The following AHCYL1 variants were observed in gnomAD, a reference collection of about 807,000 sequenced individuals.
The protein encoded by AHCYL1 is adenosylhomocysteinase like 1, also known as S-adenosylhomocysteine hydrolase-like protein 1.
In AHCYL1, 20 loss-of-function variants were observed where a neutral mutation model predicts 79.3. That is an observed-to-expected ratio of 0.25 (90% CI 0.18 to 0.37). The LOEUF is 0.37. Ranked by LOEUF, AHCYL1 falls within the 10% of genes least tolerant of loss-of-function variation. The pLI, the probability that AHCYL1 is intolerant of heterozygous loss-of-function variation, is 1.00. For missense variants in AHCYL1, 330 were observed against 673.6 expected (o/e 0.49, Z 5.65); for synonymous variants, 223 against 242.2 (o/e 0.92, Z 0.74).
chr1:110,004,267 A>G (rs1650507897), intron 1 of AHCYL1: 2 of 985,546 alleles, frequency 2.0e-6, no homozygotes, highest in African/African-American at 1.7e-5. Flanking sequence ...CAAGAAACTC[A>G]GGCCCCATCT....
intron 7 of AHCYL1, among the ~76,000 whole-genome samples, chr1:110,016,084 C>A (rs1651400820): frequency 6.6e-6 from 1 of 151,588 alleles, no homozygotes; most frequent in Admixed American, 6.6e-5. Flanking sequence ...ATAACACTCC[C>A]TATAAAGGGA....
intron 2 of AHCYL1, among the ~76,000 whole-genome samples, chr1:110,009,893 C>T (rs1378166232): frequency 6.6e-6 from 1 of 152,198 alleles, no homozygotes; most frequent in Non-Finnish European, 1.5e-5. Flanking sequence ...CATTGTTTAA[C>T]TGAAGACTCA....
rs898574335 is a variant in AHCYL1, at chr1:110,004,304, G to C, written c.121-4730G>C. The C allele has an allele frequency of 5.5e-5, 54 of 985,344 alleles. No homozygotes were observed. The African/African-American group carries it at 8.9e-4, about 16-fold the overall frequency. 61.0% of individuals were successfully genotyped at this position (985,344 alleles called of 1,614,324 possible). ...GGGAGAGTGAGAACTTAAGAAACTT[G>C]AGACAGGGAAGGAGAGCCGGGAGCA... is the stretch of plus-strand genomic sequence containing the variant. On this transcript the variant is annotated intron_variant, in intron 1 of 16. Coordinates refer to ENST00000369799, the MANE Select transcript of AHCYL1 (RefSeq NM_006621.7).
chr1:110,019,270 A>G lies in AHCYL1; in HGVS notation c.1386+151A>G, dbSNP rs551839511. 2.1e-5 allele frequency: 17 copies of G among 811,524 alleles called. No homozygotes were observed. The African/African-American group carries it at 2.4e-4, about 12-fold the overall frequency. 50.3% of individuals were successfully genotyped at this position (811,524 alleles called of 1,614,324 possible). A position where few individuals can be genotyped will look rare whatever the true frequency, so the allele number is the denominator to read the frequency against. On this transcript the variant is annotated intron_variant, in intron 14 of 16. Transcript: ENST00000369799. ...GAAACAGGTATTCTTAAGTATAGAA[A>G]AGAGTCACTAAGTCAGTATTCGTTG... is the stretch of plus-strand genomic sequence containing the variant.
At chr1:110,013,056 C>CT (rs1197782999) in intron 5 of AHCYL1, 57 bp downstream of exon 5, 2 of 1,361,928 alleles carry the variant, frequency 1.5e-6, no homozygotes, top group East Asian at 2.4e-5. Context: ...AAACATATAA[C>CT]TTTTTTGTAT....
intron 1 of AHCYL1, among the ~76,000 whole-genome samples, chr1:109,995,936 T>C (rs72976655): frequency 0.021 from 3,198 of 152,280 alleles, 96 homozygotes; most frequent in African/African-American, 0.072. Context: ...GAGATGGTAA[T>C]GGCCCAGGCA....
At chr1:109,992,493 AG>A (rs1287436374) in intron 1 of AHCYL1, among the ~76,000 whole-genome samples, 4 of 152,068 alleles carry the variant, frequency 2.6e-5, no homozygotes, top group African/African-American at 9.7e-5. Context: ...CCTTTCTCAA[AG>A]ACTTTAAGGA....
chr1:109,984,954 G>T lies in AHCYL1; in HGVS notation c.-99G>T. Reference sequence around the variant, plus strand: ...CGCAGGGGCCGGCAGGAGGGTGGGCGATCGCGTGTCGGAGGGCGCCGCGCG... The same window carrying T: ...CGCAGGGGCCGGCAGGAGGGTGGGCTATCGCGTGTCGGAGGGCGCCGCGCG... On this transcript the variant is annotated 5_prime_UTR_variant, in exon 1 of 17. Coordinates refer to ENST00000369799, the MANE Select transcript of AHCYL1 (RefSeq NM_006621.7). 7.4e-6 allele frequency: 10 copies of T among 1,350,510 alleles called. No individual in the cohort carries two copies. The highest frequency in any genetic ancestry group is 9.5e-6 in the Non-Finnish European group (10 of 1,053,436). 83.7% of individuals were successfully genotyped at this position (1,350,510 alleles called of 1,614,324 possible).
At chr1:110,013,095 T>C in intron 5 of AHCYL1, 96 bp downstream of exon 5, 1 of 848,684 alleles carries the variant, frequency 1.2e-6, no homozygotes. Context: ...ATCATATATG[T>C]CTAGAGGCTA....
At chr1:110,019,500 T>G in intron 14 of AHCYL1, 48 bp from the exon 15 acceptor site, 1 of 1,517,060 alleles carries the variant, frequency 6.6e-7, no homozygotes, top group Non-Finnish European at 9.0e-7. Flanking sequence ...TTTATGTGCC[T>G]GTCTAAGAAA....
At chr1:109,997,699 T>C (rs1405332912) in intron 1 of AHCYL1, among the ~76,000 whole-genome samples, 1 of 152,140 alleles carries the variant, frequency 6.6e-6, no homozygotes, top group Non-Finnish European at 1.5e-5. Flanking sequence ...TGCAGAAACA[T>C]GAATGAAATG....
intron 1 of AHCYL1, chr1:110,004,507 CTT>C (rs936539764): frequency 4.6e-6 from 4 of 871,282 alleles, no homozygotes; most frequent in African/African-American, 1.8e-5. Flanking sequence ...TTGGGAAACA[CTT>C]TTTTTTTTAC....
chr1:110,009,228 A>G lies in AHCYL1; in HGVS notation c.232+83A>G. 3 of 1,245,614 alleles carry G rather than the reference A, an allele frequency of 2.4e-6. No homozygotes were observed. The South Asian group carries it at 3.8e-5, about 16-fold the overall frequency. 77.2% of individuals were successfully genotyped at this position (1,245,614 alleles called of 1,614,324 possible). On this transcript the variant is annotated intron_variant, in intron 2 of 16. Transcript: ENST00000369799. ...GCTCTTCACTTAGCAATCTGAAAAT[A>G]CCTCATGTTATGACTGCCCACCTTT...
chr1:110,003,843 T>C, intron 1 of AHCYL1: 3 of 865,228 alleles, frequency 3.5e-6, no homozygotes, highest in South Asian at 5.3e-5. Context: ...ACTGCCTTTT[T>C]TCTAACTTCT....
At chr1:110,014,381 A>G (rs1225110845) in intron 5 of AHCYL1, among the ~76,000 whole-genome samples, 2 of 152,230 alleles carry the variant, frequency 1.3e-5, no homozygotes, top group Non-Finnish European at 2.9e-5. Flanking sequence ...TGTAATAGTC[A>G]TTCATATGGC....
rs1250349438 is a variant in AHCYL1, at chr1:110,021,785, T to C, written c.*105T>C. 8.6e-6 allele frequency: 11 copies of C among 1,276,658 alleles called. No individual in the cohort carries two copies. In the South Asian group the frequency reaches 1.2e-4, roughly 14 times the overall value. The allele number at this position is 1,276,658 out of a possible 1,614,324, so 79.1% of individuals were successfully genotyped here. On this transcript the variant is annotated 3_prime_UTR_variant, in exon 17 of 17. Transcript: ENST00000369799. ...CTTACTCCTTTCCTCTTGATTTTTT[T>C]CCTATAATTTCATTCTTGTTTTTTC...
In AHCYL1 at chr1:110,018,653, A is replaced by G. The variant is rs752674220; in HGVS notation, c.1317+3A>G. On this transcript the variant is annotated splice_donor_region_variant and intron_variant, in intron 13 of 16. Coordinates refer to ENST00000369799, the MANE Select transcript of AHCYL1 (RefSeq NM_006621.7). Reference sequence around the variant, plus strand: ...AACGAGTTGTCCTCCTGGCAGAGGTACACACAGAGAAGGACCCTGGCAGAG... The same window carrying G: ...AACGAGTTGTCCTCCTGGCAGAGGTGCACACAGAGAAGGACCCTGGCAGAG... 6.2e-6 allele frequency: 10 copies of G among 1,611,772 alleles called. No individual in the cohort carries two copies. The African/African-American group carries it at 9.4e-5, about 15-fold the overall frequency.
At chr1:110,013,089 TATATGTCTAGAGGCTATAA>T in intron 5 of AHCYL1, 90 bp downstream of exon 5, 1 of 966,718 alleles carries the variant, frequency 1.0e-6, no homozygotes, top group Non-Finnish European at 1.5e-6. Context: ...TACAATATCA[TATATGTCTAGAGGCTATAA>T]AATTGTGCAT....
chr1:110,014,067 C>T (rs761096046), intron 5 of AHCYL1, among the ~76,000 whole-genome samples: 4 of 152,016 alleles, frequency 2.6e-5, no homozygotes, highest in Non-Finnish European at 4.4e-5. Flanking sequence ...TCCCAAAGTG[C>T]TGGGATTACA....
Sources: gnomAD v4.1 joint callset for allele counts (sites outside exome capture counted in the v4.1 genomes callset) on GRCh38, gnomAD v4.1.1 for gene constraint, MANE v1.5 for transcripts, NCBI Gene and HGNC (gene_info 2026-07-23, HGNC 2026-07-21) for gene names.